Variants in PPP1R36 observed in about 807,000 individuals in gnomAD.
PPP1R36 encodes the protein chromosome 14 open reading frame 50.
Under a neutral mutation model 53.4 loss-of-function variants are expected in PPP1R36, and 47 were observed. The ratio of observed to expected loss-of-function variants is 0.88; its 90% confidence interval spans 0.70 to 1.12. The LOEUF (loss-of-function observed/expected upper bound fraction) is 1.12. Ranked by LOEUF, PPP1R36 falls within the 50% of genes most tolerant of loss-of-function variation. The pLI is 0.00. For synonymous variants in PPP1R36, 153 were observed against 170.5 expected (o/e 0.90, Z 0.80); for missense variants, 456 against 513.9 (o/e 0.89, Z 1.09).
Position 64,551,002 on chromosome 14 carries a change from CT to C in PPP1R36, c.134+20del, listed in dbSNP as rs1287575622. 1 of 1,535,624 alleles carries C rather than the reference CT, an allele frequency of 6.5e-7. No homozygotes were observed. Among genetic ancestry groups the C allele is most frequent in the Non-Finnish European group, 9.0e-7 (1 of 1,115,114 alleles). On this transcript the variant is annotated intron_variant, in intron 2 of 11. Coordinates refer to ENST00000298705, the MANE Select transcript of PPP1R36 (RefSeq NM_172365.3). Reference sequence around the variant, plus strand: ...ATTCAGAAGGTAAAATTTAACAACACTTTATTAGAGTTTTTATAAAAATTAC... The same window carrying C: ...ATTCAGAAGGTAAAATTTAACAACACTTATTAGAGTTTTTATAAAAATTAC...
At chr14:64,570,177 T>G (rs1015972492) in intron 7 of PPP1R36, among the ~76,000 whole-genome samples, 3 of 152,076 alleles carry the variant, frequency 2.0e-5, no homozygotes, top group Non-Finnish European at 2.9e-5. Flanking sequence ...AACAAACCAA[T>G]TGAAGCCTTA....
chr14:64,573,861 C>T (rs750465831), intron 7 of PPP1R36, among the ~76,000 whole-genome samples: 18 of 123,760 alleles, frequency 1.5e-4, no homozygotes, highest in Non-Finnish European at 2.7e-4. Flanking sequence ...CTCAGTGAGC[C>T]GAGTTCATGC....
At chr14:64,585,892 T>G (rs2080429340) in intron 8 of PPP1R36, among the ~76,000 whole-genome samples, 1 of 152,102 alleles carries the variant, frequency 6.6e-6, no homozygotes. Context: ...ATCAGAATTG[T>G]TAGGAGGGGA....
chr14:64,587,312 G>A lies in PPP1R36; in HGVS notation c.830G>A (p.Arg277Lys), dbSNP rs752186977. The A allele has an allele frequency of 6.2e-7, 1 of 1,614,018 alleles. No homozygotes were observed. Residue 277 changes from arginine (R) to lysine (K), a missense_variant, in exon 10 of 12, where the codon AGG becomes AAG. By Grantham distance (26) the Arg-to-Lys change is conservative. Transcript: ENST00000298705. The part of the protein sequence containing the change: ...FRTNMFNIPR[R>K]RREDEESGGE... ...ACCAATATGTTCAACATTCCTCGCAGGAGGCGTGAAGATGAGGAATCAGGA... is the reference window on the plus strand; with the variant it reads ...ACCAATATGTTCAACATTCCTCGCAAGAGGCGTGAAGATGAGGAATCAGGA...
At chr14:64,588,398 G>A in intron 11 of PPP1R36, 103 bp downstream of exon 11, 1 of 1,049,034 alleles carries the variant, frequency 9.5e-7, no homozygotes, top group South Asian at 1.6e-5. Flanking sequence ...AGGGAATCGA[G>A]CCATGATGAC....
chr14:64,555,879 C>T (rs959992627), intron 3 of PPP1R36, among the ~76,000 whole-genome samples: 42 of 152,228 alleles, frequency 2.8e-4, no homozygotes, highest in African/African-American at 9.6e-4. Flanking sequence ...ACTCTCTTAA[C>T]ATTTTGCATT....
intron 8 of PPP1R36, among the ~76,000 whole-genome samples, chr14:64,582,037 A>C (rs1023650202): frequency 5.9e-5 from 9 of 152,168 alleles, no homozygotes; most frequent in Non-Finnish European, 1.0e-4. Context: ...TGCAGCTGTC[A>C]CTTGATGGGC....
At chr14:64,574,633 G>A in intron 8 of PPP1R36, 44 bp downstream of exon 8, 1 of 1,567,526 alleles carries the variant, frequency 6.4e-7, no homozygotes, top group East Asian at 2.3e-5. Flanking sequence ...CTCCATCATA[G>A]ACTCACATCC....
chr14:64,584,573 G>T (rs989361876), intron 8 of PPP1R36, among the ~76,000 whole-genome samples: 2 of 152,154 alleles, frequency 1.3e-5, no homozygotes, highest in East Asian at 3.8e-4. Context: ...TTTCCGCTGA[G>T]CTCTGTTGTT....
Position 64,585,516 on chromosome 14 carries a change from CAAAAA to C in PPP1R36, c.669-1301_669-1297del, listed in dbSNP as rs57102182. On this transcript the variant is annotated intron_variant, in intron 8 of 11. Coordinates refer to ENST00000298705, the MANE Select transcript of PPP1R36 (RefSeq NM_172365.3). ...TGGATGACAGAATGAGACCCTGTCT[CAAAAA>C]AAAAAAAAAAAAAAAAAAATTAGCC... Among the ~76,000 whole-genome samples, 865 of 109,120 alleles carry C rather than the reference CAAAAA, an allele frequency of 7.9e-3. 6 individuals are homozygous for C. The highest frequency in any genetic ancestry group is 0.027 in the African/African-American group (710 of 25,864). The allele number at this position is 109,120 out of a possible 152,430, so 71.6% of individuals were successfully genotyped here. A position where few individuals can be genotyped will look rare whatever the true frequency, so the allele number is the denominator to read the frequency against.
intron 2 of PPP1R36, chr14:64,551,825 C>A: frequency 3.0e-6 from 1 of 335,078 alleles, no homozygotes; most frequent in Non-Finnish European, 6.0e-6. Context: ...GTCTCTGGAG[C>A]CAGCTACAGA....
chr14:64,575,941 C>T (rs1596740937), intron 8 of PPP1R36, among the ~76,000 whole-genome samples: 3 of 152,014 alleles, frequency 2.0e-5, no homozygotes, highest in East Asian at 1.9e-4. Flanking sequence ...TGAGCCACTG[C>T]GCCTGGCCTA....
At chr14:64,577,718 C>CTTTTTTTTTTTTT (rs10667127) in intron 8 of PPP1R36, among the ~76,000 whole-genome samples, 3 of 94,446 alleles carry the variant, frequency 3.2e-5, no homozygotes, top group Admixed American at 1.5e-4. Flanking sequence ...GCCATGATTA[C>CTTTTTTTTTTTTT]TTTTTTTTTT....
chr14:64,551,041 G>GAAAAAAAA, intron 2 of PPP1R36, 56 bp downstream of exon 2: 1 of 1,182,718 alleles, frequency 8.5e-7, no homozygotes, highest in Non-Finnish European at 1.2e-6. Flanking sequence ...GTGCCTGGGG[G>GAAAAAAAA]AAAAAAAAGC....
At chr14:64,574,173 A>C (rs2080324984) in intron 7 of PPP1R36, among the ~76,000 whole-genome samples, 1 of 152,004 alleles carries the variant, frequency 6.6e-6, no homozygotes, top group African/African-American at 2.4e-5. Flanking sequence ...CCAGGAGTTC[A>C]AGATTAGCCT....
chr14:64,574,622 A>T, intron 8 of PPP1R36, 33 bp downstream of exon 8: 1 of 1,584,416 alleles, frequency 6.3e-7, no homozygotes, highest in Non-Finnish European at 8.6e-7. Context: ...TTAGATCATC[A>T]CTCCATCATA....
At chr14:64,577,684 A>C (rs2080353709) in intron 8 of PPP1R36, among the ~76,000 whole-genome samples, 1 of 143,636 alleles carries the variant, frequency 7.0e-6, no homozygotes, top group Non-Finnish European at 1.5e-5. Flanking sequence ...CATATCCAAC[A>C]TCATAGCATT....
At chr14:64,587,133 C>T in intron 9 of PPP1R36, 61 bp from the exon 10 acceptor site, 2 of 1,298,494 alleles carry the variant, frequency 1.5e-6, no homozygotes, top group East Asian at 4.6e-5. Context: ...GTTATACAGA[C>T]AGGTAAGAGT....
chr14:64,572,951 C>A (rs146720725), intron 7 of PPP1R36, among the ~76,000 whole-genome samples: 176 of 152,136 alleles, frequency 1.2e-3, no homozygotes, highest in Middle Eastern at 3.4e-3. Context: ...ATCCTCCATG[C>A]CATGAGGGGA....
Sources: gnomAD v4.1 joint callset for allele counts (sites outside exome capture counted in the v4.1 genomes callset) on GRCh38, gnomAD v4.1.1 for gene constraint, MANE v1.5 for transcripts, NCBI Gene and HGNC (gene_info 2026-07-23, HGNC 2026-07-21) for gene names.